Variants in BEND3 observed in about 807,000 individuals in gnomAD.
BEND3 encodes BEN domain containing 3, also known as BEN domain-containing protein 3.
In BEND3, 13 loss-of-function variants were observed where a neutral mutation model predicts 60.1. The ratio of observed to expected loss-of-function variants is 0.22; its 90% CI spans 0.14 to 0.34. The LOEUF (loss-of-function observed/expected upper bound fraction) is 0.34, where lower values mean the gene tolerates loss of function less well. Ranked by LOEUF, BEND3 falls within the 10% of genes least tolerant of loss-of-function variation. The pLI is 1.00. For missense variants in BEND3, 896 were observed against 1,138.1 expected, an observed-to-expected ratio of 0.79 and a Z score of 3.06; for synonymous variants, 497 against 491.5, an observed-to-expected ratio of 1.01 and a Z score of -0.15.
chr6:107,076,673 G>C (rs1313288775), intron 3 of BEND3, among the ~76,000 whole-genome samples: 1 of 152,148 alleles, frequency 6.6e-6, no homozygotes, highest in African/African-American at 2.4e-5. Context: ...AGTGCCCTGA[G>C]AGTCAGCACG....
intron 3 of BEND3, among the ~76,000 whole-genome samples, chr6:107,097,651 A>G (rs1476053923): frequency 1.3e-5 from 2 of 149,242 alleles, no homozygotes; most frequent in East Asian, 2.0e-4. Flanking sequence ...TTAGCTGGGC[A>G]TGGTGGCGCA....
At chr6:107,077,041 C>T (rs782260613) in intron 3 of BEND3, among the ~76,000 whole-genome samples, 1 of 151,942 alleles carries the variant, frequency 6.6e-6, no homozygotes, top group African/African-American at 2.4e-5. Flanking sequence ...AGTAGAGACC[C>T]TGTACTTATT....
rs782378348 is a variant in BEND3, at chr6:107,070,288, C to T, written c.903G>A (p.Ser301=). 1.4e-5 allele frequency: 23 copies of T among 1,613,030 alleles called. No homozygotes were observed. In the African/African-American group the frequency reaches 1.7e-4, roughly 12 times the overall value. Residue 301 remains serine, a synonymous_variant, in exon 4 of 4, where the codon TCG becomes TCA. Coordinates refer to ENST00000369042, the MANE Select transcript of BEND3 (RefSeq NM_001367314.1). This position sits in a 1 kb window ranked among gnomAD's most constrained non-coding sequence, Gnocchi z 6.9. ...AGTTGCGGATGAGCTGCAGGTGCAG[C>T]GACTCCAGCTTGCGCTTGGCCGCAA... ...CGFAAKRKLE[S]LHLQLIRNYV...
chr6:107,093,586 C>T (rs1205873747), intron 3 of BEND3, among the ~76,000 whole-genome samples: 1 of 151,924 alleles, frequency 6.6e-6, no homozygotes, highest in Non-Finnish European at 1.5e-5. Flanking sequence ...ATCAATAGAA[C>T]AGAATAGCCC....
chr6:107,082,660 C>A (rs1376762535), intron 3 of BEND3, among the ~76,000 whole-genome samples: 1 of 152,092 alleles, frequency 6.6e-6, no homozygotes, highest in Non-Finnish European at 1.5e-5. Context: ...AACTCCTGAC[C>A]TCAGGTGATC....
intron 3 of BEND3, among the ~76,000 whole-genome samples, chr6:107,077,995 A>T (rs530386392): frequency 6.6e-6 from 1 of 152,200 alleles, no homozygotes; most frequent in Non-Finnish European, 1.5e-5. Flanking sequence ...GCTCTTGAAC[A>T]CTGCCCCACT....
chr6:107,105,342 G>A lies in BEND3; in HGVS notation c.-11-6046C>T, dbSNP rs1304931801. On this transcript the variant is annotated intron_variant, in intron 1 of 3. Transcript: ENST00000369042. Reference sequence around the variant, plus strand: ...GCCGAGATCGCGCCACTGCACTCCAGTCTGGGAGACAGAGAAAGACTCTGT... The same window carrying A: ...GCCGAGATCGCGCCACTGCACTCCAATCTGGGAGACAGAGAAAGACTCTGT... 4.7e-5 allele frequency among the ~76,000 whole-genome samples: 7 copies of A among 148,190 alleles called. No individual in the cohort carries two copies. The Admixed American group carries it at 4.8e-4, about 10-fold the overall frequency.
rs1450323801 is a variant in BEND3 at position 107,065,668 on chromosome 6, A to G, written c.*3036T>C. On this transcript the variant is annotated 3_prime_UTR_variant, in exon 4 of 4. Transcript: ENST00000369042. ...CGTTGGAAACGGAGGCCATCTCTAA[A>G]TGAACCCAGTGGTCATGCTGTGGTG... 2 of 152,194 alleles carry G rather than the reference A, an allele frequency of 1.3e-5. No homozygotes were observed. The highest frequency in any genetic ancestry group is 2.9e-5 in the Non-Finnish European group (2 of 68,036). 9.4% of individuals were successfully genotyped at this position (152,194 alleles called of 1,614,324 possible). A position where few individuals can be genotyped will look rare whatever the true frequency, so the allele number is the denominator to read the frequency against.
Position 107,111,084 on chromosome 6 carries a change from G to A in BEND3, c.-12+4006C>T, listed in dbSNP as rs1443386328. Among the ~76,000 whole-genome samples the A allele has an allele frequency of 4.6e-5, 7 of 152,200 alleles. No individual in the cohort carries two copies. In the East Asian group the frequency reaches 1.4e-3, roughly 30 times the overall value. On this transcript the variant is annotated intron_variant, in intron 1 of 3. Transcript: ENST00000369042. ...AGAGGCTGAGGTGGGAGGATCGCTT[G>A]AGCCCGGGAGTCAGTGGTTGCAATG...
At chr6:107,077,041 C>G (rs782260613) in intron 3 of BEND3, among the ~76,000 whole-genome samples, 4 of 151,942 alleles carry the variant, frequency 2.6e-5, no homozygotes, top group Non-Finnish European at 5.9e-5. Context: ...AGTAGAGACC[C>G]TGTACTTATT....
chr6:107,065,627 A>T lies in BEND3; in HGVS notation c.*3077T>A, dbSNP rs1261943141. 1 of 152,206 alleles carries T rather than the reference A, an allele frequency of 6.6e-6. No individual in the cohort carries two copies. Among genetic ancestry groups the T allele is most frequent in the Admixed American group, 6.5e-5 (1 of 15,274 alleles). The allele number at this position is 152,206 out of a possible 1,614,324, so 9.4% of individuals were successfully genotyped here. ...ATCCCCTCTTGACTGGGAAAGAAGC[A>T]AACATTTGTGGGGAACGTTGGAAAC... On this transcript the variant is annotated 3_prime_UTR_variant, in exon 4 of 4. Coordinates refer to ENST00000369042, the MANE Select transcript of BEND3 (RefSeq NM_001367314.1).
chr6:107,102,972 C>T (rs1775732010), intron 1 of BEND3, among the ~76,000 whole-genome samples: 1 of 152,190 alleles, frequency 6.6e-6, no homozygotes, highest in South Asian at 2.1e-4. Flanking sequence ...CTCAGCCAGC[C>T]AGGGAGGAAA....
At chr6:107,109,094 CCA>C (rs1554237972) in intron 1 of BEND3, among the ~76,000 whole-genome samples, 2 of 152,050 alleles carry the variant, frequency 1.3e-5, no homozygotes, top group Admixed American at 1.3e-4. Context: ...GTATGAGCCA[CCA>C]CATCCAGCCA....
intron 3 of BEND3, among the ~76,000 whole-genome samples, chr6:107,088,328 T>G (rs2115016282): frequency 6.6e-6 from 1 of 152,196 alleles, no homozygotes; most frequent in South Asian, 2.1e-4. Flanking sequence ...CCAAGAACTG[T>G]GGGATAACTA....
At chr6:107,107,911 C>T in intron 1 of BEND3, among the ~76,000 whole-genome samples, 1 of 152,186 alleles carries the variant, frequency 6.6e-6, no homozygotes, top group Non-Finnish European at 1.5e-5. Flanking sequence ...TCCCTGAGGA[C>T]AGGAGGAATG....
intron 1 of BEND3, among the ~76,000 whole-genome samples, chr6:107,109,436 C>T (rs1473286427): frequency 9.1e-4 from 2 of 2,208 alleles, no homozygotes; most frequent in African/African-American, 9.8e-4. Context: ...GAGCAAGACT[C>T]TGTCTCAAAA....
chr6:107,083,849 G>A (rs977787024), intron 3 of BEND3, among the ~76,000 whole-genome samples: 1 of 152,220 alleles, frequency 6.6e-6, no homozygotes, highest in Non-Finnish European at 1.5e-5. Flanking sequence ...AACACTCTGG[G>A]AGGCCGAGGT....
chr6:107,109,496 C>T (rs1554238075), intron 1 of BEND3, among the ~76,000 whole-genome samples: 1 of 142,756 alleles, frequency 7.0e-6, no homozygotes, highest in Non-Finnish European at 1.5e-5. Context: ...CACCTGTAAT[C>T]TCAGCCAAAG....
At chr6:107,080,325 A>G (rs1775198869) in intron 3 of BEND3, among the ~76,000 whole-genome samples, 1 of 140,478 alleles carries the variant, frequency 7.1e-6, no homozygotes, top group East Asian at 2.2e-4. Context: ...ACTGCACTCC[A>G]GCCTGAGCCA....
Sources: gnomAD v4.1 joint callset for allele counts (sites outside exome capture counted in the v4.1 genomes callset) on GRCh38, gnomAD v4.1.1 for gene constraint, Gnocchi (gnomAD v3.1) non-coding constraint, MANE v1.5 for transcripts, NCBI Gene and HGNC (gene_info 2026-07-23, HGNC 2026-07-21) for gene names.